The following TGM7 variants were observed in gnomAD, a reference collection of about 807,000 sequenced individuals.
TGM7 encodes protein-glutamine gamma-glutamyltransferase Z.
In TGM7, 74 loss-of-function variants were observed where a neutral mutation model predicts 79.5. That is an observed-to-expected ratio of 0.93 (90% CI 0.77 to 1.13). TGM7 has a LOEUF of 1.13. Among genes scored for constraint, TGM7 ranks in the 50% most tolerant of loss-of-function variants. TGM7 has a pLI of 0.00. For missense variants in TGM7, 912 were observed against 905.9 expected, an observed-to-expected ratio of 1.01 and a Z score of -0.09; for synonymous variants, 354 against 362.5, an observed-to-expected ratio of 0.98 and a Z score of 0.27.
chr15:43,290,442 G>C (rs1420641102), intron 4 of TGM7, among the ~76,000 whole-genome samples: 3 of 152,164 alleles, frequency 2.0e-5, no homozygotes, highest in Non-Finnish European at 2.9e-5. Context: ...TTTGGTACCA[G>C]TACCATGCTG....
Position 43,299,426 on chromosome 15 carries a change from G to A in TGM7, c.10+2815C>T, listed in dbSNP as rs571659146. 7.9e-5 allele frequency among the ~76,000 whole-genome samples: 12 copies of A among 152,312 alleles called. No homozygotes were observed. The East Asian group carries it at 1.5e-3, about 20-fold the overall frequency. Reference sequence around the variant, plus strand: ...ATGTGTGCAAGGGGCTGGCATCCCTGGGCATATGGCAGGCTAATAAACATT... The same window carrying A: ...ATGTGTGCAAGGGGCTGGCATCCCTAGGCATATGGCAGGCTAATAAACATT... On this transcript the variant is annotated intron_variant, in intron 1 of 12. Transcript: ENST00000452443.
rs2142398661 is a variant in TGM7 at position 43,276,344 on chromosome 15, T to C, written c.*111A>G. The C allele has an allele frequency of 7.8e-7, 1 of 1,287,094 alleles. No homozygotes were observed. Among genetic ancestry groups the C allele is most frequent in the Non-Finnish European group, 1.1e-6 (1 of 934,228 alleles). The allele number at this position is 1,287,094 out of a possible 1,614,324, so 79.7% of individuals were successfully genotyped here. ...GGTGTTTCTAACAGAGCTTCATTCA[T>C]TCCCAGGCAGGCTAGAGAGAGGACA... is the stretch of plus-strand genomic sequence containing the variant. On this transcript the variant is annotated 3_prime_UTR_variant, in exon 13 of 13. Coordinates refer to ENST00000452443, the MANE Select transcript of TGM7 (RefSeq NM_052955.3).
At chr15:43,279,039 T>C (rs1414147587) in intron 11 of TGM7, 78 bp downstream of exon 11, 2 of 1,486,316 alleles carry the variant, frequency 1.3e-6, no homozygotes, top group African/African-American at 2.8e-5. Flanking sequence ...GAACAGTGTC[T>C]TGTTGGCTGC....
At chr15:43,300,544 G>A (rs1457015628) in intron 1 of TGM7, among the ~76,000 whole-genome samples, 1 of 152,238 alleles carries the variant, frequency 6.6e-6, no homozygotes, top group African/African-American at 2.4e-5. Flanking sequence ...GCTCACGCCT[G>A]TAATCCCAGC....
intron 7 of TGM7, 79 bp downstream of exon 7, chr15:43,284,735 A>T: frequency 6.5e-7 from 1 of 1,537,860 alleles, no homozygotes; most frequent in African/African-American, 1.4e-5. Flanking sequence ...ATATTTCCTC[A>T]AGAGCCAGAG....
rs1470829476 is a variant in TGM7, at chr15:43,297,585, T to TAAAG, written c.11-3955_11-3954insCTTT. 5.7e-4 allele frequency among the ~76,000 whole-genome samples: 17 copies of TAAAG among 29,918 alleles called. No homozygotes were observed. In the South Asian group the frequency reaches 0.017, roughly 29 times the overall value. 19.6% of individuals were successfully genotyped at this position (29,918 alleles called of 152,430 possible). On this transcript the variant is annotated intron_variant, in intron 1 of 12. Transcript: ENST00000452443. ...GGACATTGAAACAGCCATCTGCATG[T>TAAAG]ATAGAAAGAAAGAAAGAAAGAAAGA... is the stretch of plus-strand genomic sequence containing the variant.
chr15:43,292,140 A>G, intron 3 of TGM7, 43 bp from the exon 4 acceptor site: 2 of 1,356,924 alleles, frequency 1.5e-6, no homozygotes, highest in Non-Finnish European at 2.1e-6. Context: ...CCCCAAACCA[A>G]AAAAACAGAG....
At chr15:43,297,557 A>T (rs1301182656) in intron 1 of TGM7, among the ~76,000 whole-genome samples, 1 of 147,696 alleles carries the variant, frequency 6.8e-6, no homozygotes, top group Non-Finnish European at 1.5e-5. Context: ...GAAAGAAAGA[A>T]AGGGACATTG....
chr15:43,295,681 TA>T (rs2042988743), intron 1 of TGM7, among the ~76,000 whole-genome samples: 1 of 152,252 alleles, frequency 6.6e-6, no homozygotes, highest in African/African-American at 2.4e-5. Flanking sequence ...AAGTCAATGT[TA>T]ATTTCCTTCA....
chr15:43,293,942 C>G, intron 1 of TGM7, among the ~76,000 whole-genome samples: 1 of 142,128 alleles, frequency 7.0e-6, no homozygotes, highest in Non-Finnish European at 1.5e-5. Flanking sequence ...GGGGGATCGG[C>G]ATGGGGAAGT....
At position 43,292,090 on chromosome 15, in the gene TGM7, G is replaced by A. The variant is rs1348589678; in HGVS notation, c.447C>T (p.Asp149=). The A allele has an allele frequency of 6.2e-6, 10 of 1,612,926 alleles. No individual in the cohort carries two copies. The highest frequency in any genetic ancestry group is 2.2e-5 in the South Asian group (2 of 91,048). ...LLFNPWSPED[D]VYLPSEILLQ... The stretch of plus-strand genomic sequence containing the variant: ...GCAGTATTTCACTTGGCAGGTAGAC[G>A]TCGTCCTCTGAGCAGTTAAGAGTAG... The change falls in exon 4 of 13, where the codon GAC becomes GAT. Residue 149 remains aspartate, a synonymous_variant. Coordinates refer to ENST00000452443, the MANE Select transcript of TGM7 (RefSeq NM_052955.3).
intron 1 of TGM7, among the ~76,000 whole-genome samples, chr15:43,299,077 T>C (rs2043014109): frequency 6.6e-6 from 1 of 152,218 alleles, no homozygotes; most frequent in African/African-American, 2.4e-5. Flanking sequence ...AAAATTAGTA[T>C]GTACAAATTA....
At chr15:43,280,334 A>G (rs552530036) in intron 9 of TGM7, among the ~76,000 whole-genome samples, 47 of 152,292 alleles carry the variant, frequency 3.1e-4, no homozygotes, top group African/African-American at 1.1e-3. Context: ...AACATAAAAA[A>G]GAGCTTCGGC....
At chr15:43,280,387 G>T (rs1214495101) in intron 9 of TGM7, among the ~76,000 whole-genome samples, 1 of 152,190 alleles carries the variant, frequency 6.6e-6, no homozygotes, top group Non-Finnish European at 1.5e-5. Flanking sequence ...AATTTGGGAG[G>T]TTGAGATGGG....
At chr15:43,297,617 GAA>G (rs1566847982) in intron 1 of TGM7, among the ~76,000 whole-genome samples, 8 of 150,924 alleles carry the variant, frequency 5.3e-5, no homozygotes, top group Middle Eastern at 3.4e-3. Flanking sequence ...AAGAAAGAAA[GAA>G]AGAAAGAAAG....
intron 9 of TGM7, among the ~76,000 whole-genome samples, chr15:43,281,104 C>A (rs1337761224): frequency 6.6e-6 from 1 of 152,272 alleles, no homozygotes; most frequent in Non-Finnish European, 1.5e-5. Context: ...TTCTCTGGAG[C>A]AGTTGCTGCA....
rs375071457 is a variant in TGM7, at chr15:43,279,264, C to T, written c.1692G>A (p.Pro564=). The T allele has an allele frequency of 5.5e-5, 89 of 1,613,966 alleles. No individual in the cohort carries two copies. The East Asian group carries it at 1.4e-3, about 25-fold the overall frequency. The change falls in exon 11 of 13, where the codon CCG becomes CCA. Residue 564 remains proline (P), a synonymous_variant. Transcript: ENST00000452443. ...NLDFGKETQW[P]LLLPYSNYRN... is the part of the protein sequence containing the mutation. ...TGTAATTGCTGTAGGGCAGGAGGAG[C>T]GGCCACTGTGTCTCTAAGCACATAC...
intron 1 of TGM7, among the ~76,000 whole-genome samples, chr15:43,296,424 CAAAA>C (rs35879868): frequency 1.3e-5 from 1 of 78,212 alleles, no homozygotes; most frequent in Admixed American, 1.5e-4. Flanking sequence ...GACTCTGTCT[CAAAA>C]AAAAAAAAAA....
At chr15:43,279,580 G>T in intron 10 of TGM7, 45 bp downstream of exon 10, 1 of 1,528,638 alleles carries the variant, frequency 6.5e-7, no homozygotes. Context: ...TGGACCCACA[G>T]CTCCCCTCCC....
Sources: gnomAD v4.1 joint callset for allele counts (sites outside exome capture counted in the v4.1 genomes callset) on GRCh38, gnomAD v4.1.1 for gene constraint, MANE v1.5 for transcripts, NCBI Gene and HGNC (gene_info 2026-07-23, HGNC 2026-07-21) for gene names.